The following MAF variants were observed in gnomAD, a reference collection of about 807,000 sequenced individuals.
MAF encodes the protein transcription factor Maf.
In MAF, 10 loss-of-function variants were observed where a neutral mutation model predicts 22.0. The observed-to-expected ratio is 0.45, with a 90% confidence interval of 0.28 to 0.77. The LOEUF (loss-of-function observed/expected upper bound fraction) is 0.77, where lower values mean the gene tolerates loss of function less well. MAF is among the 30% of genes least tolerant of loss of function. The pLI is 0.12. For missense variants in MAF, 544 were observed against 548.4 expected (o/e 0.99, Z 0.08); for synonymous variants, 337 against 255.8 (o/e 1.32, Z -3.03).
downstream of MAF, among the ~76,000 whole-genome samples, chr16:79,581,619 T>G (rs1290711306): frequency 6.6e-6 from 1 of 152,166 alleles, no homozygotes; most frequent in Non-Finnish European, 1.5e-5. Flanking sequence ...ATGAACTTAC[T>G]GTGCTTTTCA....
At chr16:79,443,821 G>T in the MAF span, among the ~76,000 whole-genome samples, 1 of 152,054 alleles carries the variant, frequency 6.6e-6, no homozygotes, top group Non-Finnish European at 1.5e-5. Context: ...ACCTCACAGG[G>T]TTGCTTGGAG....
the MAF span, among the ~76,000 whole-genome samples, chr16:79,485,368 T>C: frequency 2.0e-5 from 3 of 152,262 alleles, no homozygotes; most frequent in Admixed American, 2.0e-4. Context: ...TCTTTCCTTC[T>C]CTGTCACCCA....
chr16:79,429,775 G>A, the MAF span, among the ~76,000 whole-genome samples: 1 of 152,184 alleles, frequency 6.6e-6, no homozygotes, highest in African/African-American at 2.4e-5. Flanking sequence ...ATCCTATCCA[G>A]ACAGTTTATT....
At chr16:79,364,527 A>T in the MAF span, among the ~76,000 whole-genome samples, 1 of 152,282 alleles carries the variant, frequency 6.6e-6, no homozygotes, top group South Asian at 2.1e-4. Context: ...TTGGTTTTTA[A>T]TCCACTGGGG....
chr16:79,228,827 G>A, the MAF span, among the ~76,000 whole-genome samples: 1 of 151,896 alleles, frequency 6.6e-6, no homozygotes, highest in Non-Finnish European at 1.5e-5. Context: ...TTTCCACCAA[G>A]GGTGCAGGTT....
At chr16:79,500,565 G>A in the MAF span, among the ~76,000 whole-genome samples, 2 of 152,252 alleles carry the variant, frequency 1.3e-5, no homozygotes, top group African/African-American at 4.8e-5. Flanking sequence ...CCACGGTAGA[G>A]ATTATGAGCT....
At chr16:79,238,403 T>G in the MAF span, among the ~76,000 whole-genome samples, 1 of 152,108 alleles carries the variant, frequency 6.6e-6, no homozygotes, top group Non-Finnish European at 1.5e-5. Flanking sequence ...GCATACGTCT[T>G]TTTTACTTAT....
the MAF span, among the ~76,000 whole-genome samples, chr16:79,412,045 C>T: frequency 6.6e-6 from 1 of 152,180 alleles, no homozygotes; most frequent in Non-Finnish European, 1.5e-5. Flanking sequence ...GCAGACTGAG[C>T]ACTTAGTACA....
chr16:79,226,541 CAA>C, the MAF span, among the ~76,000 whole-genome samples: 1 of 151,908 alleles, frequency 6.6e-6, no homozygotes, highest in Non-Finnish European at 1.5e-5. Context: ...AATTTAAAAA[CAA>C]AATGTTTATA....
the MAF span, among the ~76,000 whole-genome samples, chr16:79,438,042 C>T: frequency 1.3e-5 from 2 of 152,122 alleles, no homozygotes; most frequent in African/African-American, 4.8e-5. Flanking sequence ...GAATGCCATC[C>T]CTTGGAGAGC....
the MAF span, among the ~76,000 whole-genome samples, chr16:79,558,058 C>T: frequency 1.3e-4 from 20 of 151,006 alleles, no homozygotes; most frequent in Non-Finnish European, 2.2e-4. Context: ...GAATGTGACA[C>T]CTGTCCTGGA....
the MAF span, among the ~76,000 whole-genome samples, chr16:79,547,551 C>T: frequency 6.6e-6 from 1 of 152,048 alleles, no homozygotes; most frequent in Non-Finnish European, 1.5e-5. Context: ...TTTGTAGAAA[C>T]CCCTAAAAGT....
At chr16:79,592,124 C>G (rs940056116), downstream of MAF, among the ~76,000 whole-genome samples, 3 of 152,220 alleles carry the variant, frequency 2.0e-5, no homozygotes, top group Non-Finnish European at 4.4e-5. Context: ...TCCCTCATTT[C>G]TCACCTCCTA....
the MAF span, among the ~76,000 whole-genome samples, chr16:79,225,202 G>A: frequency 1.3e-5 from 2 of 151,940 alleles, no homozygotes; most frequent in South Asian, 2.1e-4. Context: ...CTCAGAAATA[G>A]CACCACAAAA....
chr16:79,270,102 G>A, the MAF span, among the ~76,000 whole-genome samples: 92 of 152,136 alleles, frequency 6.0e-4, 1 homozygote, highest in African/African-American at 2.2e-3. Flanking sequence ...CTCGGGGTGG[G>A]TGGAAGGAGG....
chr16:79,575,586 C>A, the MAF span, among the ~76,000 whole-genome samples: 1 of 152,084 alleles, frequency 6.6e-6, no homozygotes, highest in Non-Finnish European at 1.5e-5. Context: ...TAGGGTGGGA[C>A]CCAGGGGTGA....
At chr16:79,588,173 C>T (rs184085120) in intron 1 of MAF, among the ~76,000 whole-genome samples, 4 of 152,202 alleles carry the variant, frequency 2.6e-5, no homozygotes, top group Non-Finnish European at 2.9e-5. Flanking sequence ...TCATTACCTG[C>T]ACAGTGCAGT....
the MAF span, among the ~76,000 whole-genome samples, chr16:79,443,960 A>C: frequency 6.6e-6 from 1 of 152,208 alleles, no homozygotes; most frequent in Admixed American, 6.5e-5. Context: ...TGACTGAGAA[A>C]AACCAAACAA....
the MAF span, among the ~76,000 whole-genome samples, chr16:79,451,290 G>T: frequency 6.6e-6 from 1 of 152,170 alleles, no homozygotes; most frequent in Admixed American, 6.5e-5. Context: ...GCCCATGTCT[G>T]CCAGCAGATG....
Sources: allele counts gnomAD v4.1 joint callset (sites outside exome capture counted in the v4.1 genomes callset), GRCh38; gene constraint gnomAD v4.1.1; transcripts MANE v1.5; gene names NCBI Gene and HGNC (gene_info 2026-07-23, HGNC 2026-07-21).